The following NALF1 variants were observed in gnomAD, a reference collection of about 807,000 sequenced individuals.
NALF1 encodes the protein NALCN channel auxiliary factor 1.
In NALF1, 3 loss-of-function variants were observed where a neutral mutation model predicts 48.4. The ratio of observed to expected loss-of-function variants is 0.06; its 90% confidence interval spans 0.03 to 0.16. NALF1 has a LOEUF of 0.16. NALF1 is among the 10% of genes least tolerant of loss of function. The pLI is 1.00. For synonymous variants in NALF1, 262 were observed against 245.7 expected, an observed-to-expected ratio of 1.07 and a Z score of -0.62; for missense variants, 526 against 571.5, an observed-to-expected ratio of 0.92 and a Z score of 0.81.
At chr13:107,354,965 C>T (rs997754073) in intron 1 of NALF1, among the ~76,000 whole-genome samples, 3 of 152,174 alleles carry the variant, frequency 2.0e-5, no homozygotes, top group African/African-American at 4.8e-5. Flanking sequence ...AACCCTAGGA[C>T]GTCACTCAAG....
intron 1 of NALF1, among the ~76,000 whole-genome samples, chr13:107,850,550 T>C (rs1416535164): frequency 2.0e-5 from 3 of 152,220 alleles, no homozygotes; most frequent in African/African-American, 4.8e-5. Flanking sequence ...TTACTGGTGA[T>C]ACTCTAACTC....
intron 2 of NALF1, among the ~76,000 whole-genome samples, chr13:107,172,458 C>T (rs1878826921): frequency 6.6e-6 from 1 of 152,094 alleles, no homozygotes; most frequent in South Asian, 2.1e-4. Flanking sequence ...AAAATAATCT[C>T]AAATAATATA....
intron 1 of NALF1, among the ~76,000 whole-genome samples, chr13:107,783,365 C>T (rs568128533): frequency 1.2e-3 from 176 of 152,004 alleles, no homozygotes; most frequent in Non-Finnish European, 2.0e-3. Flanking sequence ...GGAGGTGTGC[C>T]CAACAGCTCA....
At chr13:107,310,799 T>G (rs1388645353) in intron 1 of NALF1, among the ~76,000 whole-genome samples, 1 of 152,130 alleles carries the variant, frequency 6.6e-6, no homozygotes, top group Non-Finnish European at 1.5e-5. Flanking sequence ...TGTCTTAGTC[T>G]GCAAAGTAGC....
In NALF1 at chr13:107,393,329, C is replaced by T. The variant is rs112854768; in HGVS notation, c.916-182574G>A. 2.2e-3 allele frequency among the ~76,000 whole-genome samples: 332 copies of T among 152,158 alleles called. 1 individual carries two copies. Among genetic ancestry groups the T allele is most frequent in the Admixed American group, 3.4e-3 (52 of 15,268 alleles). On this transcript the variant is annotated intron_variant, in intron 1 of 2. Transcript: ENST00000375915. The stretch of plus-strand genomic sequence containing the variant: ...TTTGTCAAGAAGAAGGAGGAGAAAG[C>T]TAACTTCTCACTATTCTAGGTCATC...
At chr13:107,527,889 G>A (rs1348909810) in intron 1 of NALF1, among the ~76,000 whole-genome samples, 2 of 152,052 alleles carry the variant, frequency 1.3e-5, no homozygotes, top group Admixed American at 6.6e-5. Flanking sequence ...AAATTACCCA[G>A]TCTCAGGTAT....
At chr13:107,765,168 A>C (rs1877387929) in intron 1 of NALF1, among the ~76,000 whole-genome samples, 1 of 152,154 alleles carries the variant, frequency 6.6e-6, no homozygotes, top group South Asian at 2.1e-4. Flanking sequence ...CACCACACAC[A>C]CAGCAGCTCA....
At chr13:107,651,415 T>TAAAC in intron 1 of NALF1, among the ~76,000 whole-genome samples, 1 of 152,334 alleles carries the variant, frequency 6.6e-6, no homozygotes, top group East Asian at 1.9e-4. Flanking sequence ...TATCTGAGAT[T>TAAAC]TTCATCAGTA....
intron 1 of NALF1, among the ~76,000 whole-genome samples, chr13:107,403,203 T>C (rs1336546336): frequency 6.9e-6 from 1 of 144,194 alleles, no homozygotes; most frequent in Non-Finnish European, 1.5e-5. Flanking sequence ...TTTTTTTTTT[T>C]TTTTTTTTTT....
intron 1 of NALF1, among the ~76,000 whole-genome samples, chr13:107,590,664 C>T (rs1878580410): frequency 1.3e-5 from 2 of 151,830 alleles, no homozygotes; most frequent in African/African-American, 4.8e-5. Flanking sequence ...TTTCTTTGTC[C>T]ATTTATACAT....
chr13:107,655,217 T>C (rs1880545643), intron 1 of NALF1, among the ~76,000 whole-genome samples: 1 of 152,110 alleles, frequency 6.6e-6, no homozygotes, highest in East Asian at 1.9e-4. Flanking sequence ...CTGTCGCTCT[T>C]TGCTGATAAT....
intron 1 of NALF1, among the ~76,000 whole-genome samples, chr13:107,553,372 C>T (rs1017262378): frequency 3.9e-5 from 6 of 152,054 alleles, no homozygotes; most frequent in Non-Finnish European, 8.8e-5. Context: ...TGACCCGTTC[C>T]GTATTAGACT....
intron 1 of NALF1, among the ~76,000 whole-genome samples, chr13:107,691,728 A>T (rs146211000): frequency 3.3e-5 from 5 of 152,344 alleles, no homozygotes; most frequent in Admixed American, 2.6e-4. Context: ...AGGTCATACG[A>T]ATAAAAATAA....
chr13:107,611,970 AAGAAGAGAAG>A (rs375960831), intron 1 of NALF1, among the ~76,000 whole-genome samples: 1 of 144,314 alleles, frequency 6.9e-6, no homozygotes, highest in East Asian at 2.5e-4. Context: ...ACGAAGAAGA[AAGAAGAGAAG>A]AGAAGAGGAG....
chr13:107,786,416 C>CAAAAAAAAA lies in NALF1; in HGVS notation c.915+79257_915+79265dup, dbSNP rs34857705. On this transcript the variant is annotated intron_variant, in intron 1 of 2. Coordinates refer to ENST00000375915, the MANE Select transcript of NALF1 (RefSeq NM_001080396.3). The stretch of plus-strand genomic sequence containing the variant: ...GGGCAACAAGAGCGAAACTCTTTCT[C>CAAAAAAAAA]AAAAAAAAAAAAAAAAAAAAAAAAA... Among the ~76,000 whole-genome samples the CAAAAAAAAA allele has an allele frequency of 1.3e-4, 4 of 29,714 alleles. 1 individual carries two copies. Among genetic ancestry groups the CAAAAAAAAA allele is most frequent in the Non-Finnish European group, 2.4e-4 (4 of 17,008 alleles). 19.5% of individuals were successfully genotyped at this position (29,714 alleles called of 152,430 possible).
intron 1 of NALF1, among the ~76,000 whole-genome samples, chr13:107,590,953 A>G (rs977754293): frequency 6.6e-6 from 1 of 152,024 alleles, no homozygotes; most frequent in Admixed American, 6.6e-5. Flanking sequence ...GTCATAGGAT[A>G]GGTAGGATTG....
chr13:107,753,927 C>T (rs187704837), intron 1 of NALF1, among the ~76,000 whole-genome samples: 26 of 152,166 alleles, frequency 1.7e-4, no homozygotes, highest in Admixed American at 6.5e-4. Flanking sequence ...CATGGACAAA[C>T]GGCAGAGACT....
At chr13:107,613,148 G>GT (rs1315246686) in intron 1 of NALF1, among the ~76,000 whole-genome samples, 1 of 152,168 alleles carries the variant, frequency 6.6e-6, no homozygotes, top group Non-Finnish European at 1.5e-5. Context: ...TTGCAGTTAT[G>GT]TTTTGTTTCC....
intron 1 of NALF1, among the ~76,000 whole-genome samples, chr13:107,773,112 T>G (rs143512857): frequency 5.3e-5 from 8 of 152,182 alleles, no homozygotes; most frequent in Non-Finnish European, 1.0e-4. Flanking sequence ...ATTAAGAAGA[T>G]GAAACAAAGT....
Sources: gnomAD v4.1 joint callset for allele counts (sites outside exome capture counted in the v4.1 genomes callset) on GRCh38, gnomAD v4.1.1 for gene constraint, MANE v1.5 for transcripts, NCBI Gene and HGNC (gene_info 2026-07-23, HGNC 2026-07-21) for gene names.